The following RNF34 variants were observed in gnomAD, a reference collection of about 807,000 sequenced individuals.
The protein encoded by RNF34 is ring finger protein 34, also known as E3 ubiquitin-protein ligase RNF34.
A neutral mutation model predicts 37.9 loss-of-function variants in RNF34; 12 were observed. The ratio of observed to expected loss-of-function variants is 0.32; its 90% CI spans 0.20 to 0.51. The LOEUF (loss-of-function observed/expected upper bound fraction) is 0.51. Ranked by LOEUF, RNF34 falls within the 20% of genes least tolerant of loss-of-function variation. The pLI is 0.97. For synonymous variants in RNF34, 155 were observed against 177.2 expected, an observed-to-expected ratio of 0.87 and a Z score of 1.00; for missense variants, 362 against 472.7, an observed-to-expected ratio of 0.77 and a Z score of 2.17.
intron 1 of RNF34, among the ~76,000 whole-genome samples, chr12:121,406,852 T>G (rs942704837): frequency 6.6e-6 from 1 of 152,222 alleles, no homozygotes; most frequent in African/African-American, 2.4e-5. Flanking sequence ...TATGTTGTTT[T>G]AAACTACATT....
At chr12:121,412,327 C>T (rs1165715957) in intron 1 of RNF34, among the ~76,000 whole-genome samples, 1 of 150,070 alleles carries the variant, frequency 6.7e-6, no homozygotes, top group Non-Finnish European at 1.5e-5. Context: ...GCAAGCTCTG[C>T]CTCCCGGGTT....
chr12:121,403,414 CAAAA>C (rs60900182), intron 1 of RNF34, among the ~76,000 whole-genome samples: 1 of 136,704 alleles, frequency 7.3e-6, no homozygotes, highest in Non-Finnish European at 1.6e-5. Context: ...AAAACCAAAA[CAAAA>C]AAAAAAAAGG....
chr12:121,402,555 A>AC (rs1471509866), intron 1 of RNF34, among the ~76,000 whole-genome samples: 23 of 137,390 alleles, frequency 1.7e-4, no homozygotes, highest in Middle Eastern at 3.5e-3. Context: ...CCTATAAGGG[A>AC]TTAAAAAAAA....
In RNF34 at chr12:121,417,465, T is replaced by A; in HGVS notation, c.226-39T>A. 1 of 1,559,980 alleles carries A rather than the reference T, an allele frequency of 6.4e-7. No homozygotes were observed. On this transcript the variant is annotated intron_variant, in intron 2 of 5. Coordinates refer to ENST00000361234, the MANE Select transcript of RNF34 (RefSeq NM_025126.4). This position sits in a 1 kb window ranked among gnomAD's most constrained non-coding sequence, Gnocchi z 5.0. The stretch of plus-strand genomic sequence containing the variant: ...AAGAAAACTCATGCTTTCATAATGG[T>A]TTATATCTTGCTGTCATCAAATGCT...
chr12:121,400,321 C>A, intron 1 of RNF34, 103 bp downstream of exon 1: 1 of 1,378,360 alleles, frequency 7.3e-7, no homozygotes, highest in South Asian at 1.3e-5. Context: ...ACCTAGTCGT[C>A]ATCTCGGAGA....
At position 121,402,817 on chromosome 12, in the gene RNF34, G is replaced by GTA. The variant is rs782475094; in HGVS notation, c.6+2601_6+2602dup. On this transcript the variant is annotated intron_variant, in intron 1 of 5. Coordinates refer to ENST00000361234, the MANE Select transcript of RNF34 (RefSeq NM_025126.4). ...CCCAAGCATGAGGAAGGTAACATTT[G>GTA]TATCTATAGCACATGTTATTGTAAT... 21 of 1,572,984 alleles carry GTA rather than the reference G, an allele frequency of 1.3e-5. No homozygotes were observed. In the South Asian group the frequency reaches 2.1e-4, roughly 16 times the overall value.
chr12:121,412,405 A>C (rs1179970929), intron 1 of RNF34, among the ~76,000 whole-genome samples: 4 of 150,202 alleles, frequency 2.7e-5, no homozygotes. Context: ...ACGCCAGGCT[A>C]ATTTTGTTTT....
chr12:121,408,658 G>A (rs1555280945), intron 1 of RNF34, among the ~76,000 whole-genome samples: 1 of 152,136 alleles, frequency 6.6e-6, no homozygotes. Flanking sequence ...GGAGAGCCAG[G>A]TAGATGGAGT....
rs1872299830 is a variant in RNF34, at chr12:121,423,016, T to C, written c.929-370T>C. Reference sequence around the variant, plus strand: ...GCAACTGAGTTAAATTCCAATAGCATCCTGACTCCAAAGCCCATCTACAGA... The same window carrying C: ...GCAACTGAGTTAAATTCCAATAGCACCCTGACTCCAAAGCCCATCTACAGA... On this transcript the variant is annotated intron_variant, in intron 5 of 5. Transcript: ENST00000361234. This position sits in a 1 kb window ranked among gnomAD's most constrained non-coding sequence, Gnocchi z 4.3. Among the ~76,000 whole-genome samples the C allele has an allele frequency of 6.6e-6, 1 of 152,182 alleles. No homozygotes were observed. Among genetic ancestry groups the C allele is most frequent in the Admixed American group, 6.5e-5 (1 of 15,282 alleles).
rs782666196 is a variant in RNF34 at position 121,417,632 on chromosome 12, G to A, written c.354G>A (p.Leu118=). ...TAFQRPQLMR[L]KVKDLRQYLI... ...TTCAGCGCCCTCAGTTAATGCGACT[G>A]AAGGTGAAGGACCTGCGGCAGTATC... The change falls in exon 3 of 6, where the codon CTG becomes CTA. Residue 118 remains leucine (L), a synonymous_variant. Coordinates refer to ENST00000361234, the MANE Select transcript of RNF34 (RefSeq NM_025126.4). The surrounding 1 kb of genome is among the most constrained non-coding windows in gnomAD (Gnocchi z 5.0). 77 of 1,614,116 alleles carry A rather than the reference G, an allele frequency of 4.8e-5. No homozygotes were observed. The highest frequency in any genetic ancestry group is 3.3e-4 in the Middle Eastern group (2 of 6,084).
At chr12:121,410,181 A>C (rs1232208844) in intron 1 of RNF34, among the ~76,000 whole-genome samples, 1 of 151,862 alleles carries the variant, frequency 6.6e-6, no homozygotes, top group African/African-American at 2.4e-5. Context: ...AATTATGTTC[A>C]TTTCAGCACT....
rs1367071110 is a variant in RNF34 at position 121,417,038 on chromosome 12, G to T, written c.226-466G>T. Among the ~76,000 whole-genome samples, 1 of 152,206 alleles carries T rather than the reference G, an allele frequency of 6.6e-6. No individual in the cohort carries two copies. The highest frequency in any genetic ancestry group is 1.5e-5 in the Non-Finnish European group (1 of 68,046). ...TAGGCTGTGTAGTTTACAGATTACTGTATTAGTGGGTCCTGTATTTTCTTG... is the reference window on the plus strand; with the variant it reads ...TAGGCTGTGTAGTTTACAGATTACTTTATTAGTGGGTCCTGTATTTTCTTG... On this transcript the variant is annotated intron_variant, in intron 2 of 5. Transcript: ENST00000361234. The surrounding 1 kb of genome is among the most constrained non-coding windows in gnomAD (Gnocchi z 5.0).
intron 1 of RNF34, among the ~76,000 whole-genome samples, chr12:121,410,647 A>G (rs1217894002): frequency 6.6e-6 from 1 of 151,998 alleles, no homozygotes; most frequent in African/African-American, 2.4e-5. Context: ...AGAAGGCTGG[A>G]GTGTTGCAAA....
chr12:121,413,524 G>C (rs984491698), intron 1 of RNF34, among the ~76,000 whole-genome samples: 11 of 148,122 alleles, frequency 7.4e-5, no homozygotes, highest in African/African-American at 2.8e-4. Flanking sequence ...CGATTCTCCT[G>C]CCTCAGCCTC....
chr12:121,423,426 C>G lies in RNF34; in HGVS notation c.969C>G (p.Ser323Arg), dbSNP rs782017510. The change falls in exon 6 of 6, where the codon AGC becomes AGG. Residue 323 changes from serine to arginine, a missense_variant. Transcript: ENST00000361234. This position sits in a 1 kb window ranked among gnomAD's most constrained non-coding sequence, Gnocchi z 4.3. ...AGCTGCAGGATGAGGAAGACGACAG[C>G]CTGTGTCGCATCTGCATGGATGCCG... Reference protein sequence around the residue: ...RLQLQDEEDDSLCRICMDAVI... With the variant: ...RLQLQDEEDDRLCRICMDAVI... 1 of 1,612,530 alleles carries G rather than the reference C, an allele frequency of 6.2e-7. No homozygotes were observed. The highest frequency in any genetic ancestry group is 8.5e-7 in the Non-Finnish European group (1 of 1,179,296).
intron 1 of RNF34, among the ~76,000 whole-genome samples, chr12:121,403,989 G>A (rs1156514954): frequency 6.6e-6 from 1 of 151,714 alleles, no homozygotes; most frequent in Non-Finnish European, 1.5e-5. Flanking sequence ...AATAAAAAGT[G>A]AATGACTTAG....
chr12:121,412,770 G>C (rs1871207239), intron 1 of RNF34, among the ~76,000 whole-genome samples: 1 of 148,628 alleles, frequency 6.7e-6, no homozygotes, highest in Non-Finnish European at 1.5e-5. Context: ...TGTCACCCAG[G>C]CTGGAGTGCA....
chr12:121,420,678 G>T lies in RNF34; in HGVS notation c.828G>T (p.Leu276=). ...GMSVRQLKEI[L]ARNFVNYSGC... The stretch of plus-strand genomic sequence containing the variant: ...GCGTGCGCCAGCTGAAGGAAATTCT[G>T]GCTCGGAATTTTGTCAACTATTCTG... Residue 276 remains leucine (L), a synonymous_variant, in exon 5 of 6, where the codon CTG becomes CTT. Coordinates refer to ENST00000361234, the MANE Select transcript of RNF34 (RefSeq NM_025126.4). The T allele has an allele frequency of 6.2e-7, 1 of 1,614,154 alleles. No individual in the cohort carries two copies. Among genetic ancestry groups the T allele is most frequent in the East Asian group, 2.2e-5 (1 of 44,888 alleles).
chr12:121,410,291 C>T (rs1870929415), intron 1 of RNF34, among the ~76,000 whole-genome samples: 1 of 152,028 alleles, frequency 6.6e-6, no homozygotes, highest in South Asian at 2.1e-4. Flanking sequence ...GTAATCCCAG[C>T]TCTTTGGGAG....
Sources: gnomAD v4.1 joint callset for allele counts (sites outside exome capture counted in the v4.1 genomes callset) on GRCh38, gnomAD v4.1.1 for gene constraint, Gnocchi (gnomAD v3.1) non-coding constraint, MANE v1.5 for transcripts, NCBI Gene and HGNC (gene_info 2026-07-23, HGNC 2026-07-21) for gene names.